Variants in PATJ observed in about 807,000 individuals in gnomAD.
The protein encoded by PATJ is inaD-like protein.
A neutral mutation model predicts 224.9 loss-of-function variants in PATJ; 190 were observed. The observed-to-expected ratio is 0.84, with a 90% confidence interval of 0.75 to 0.95. The LOEUF is 0.95. Among genes scored for constraint, PATJ ranks in the 40% least tolerant of loss-of-function variants. PATJ has a pLI of 0.00. For synonymous variants in PATJ, 769 were observed against 820.3 expected (o/e 0.94, Z 1.07); for missense variants, 2,121 against 2,270.3 (o/e 0.93, Z 1.34).
chr1:61,902,909 T>C (rs1671383199), intron 24 of PATJ, among the ~76,000 whole-genome samples: 1 of 152,130 alleles, frequency 6.6e-6, no homozygotes, highest in Non-Finnish European at 1.5e-5. Context: ...GAGTGAGCCA[T>C]ATAGATATAT....
chr1:61,819,894 G>A (rs1195227470), intron 14 of PATJ, among the ~76,000 whole-genome samples: 1 of 152,148 alleles, frequency 6.6e-6, no homozygotes, highest in East Asian at 1.9e-4. Context: ...AGTTCTGATA[G>A]AGAGTGTTCC....
At chr1:62,051,689 T>TTAATTC (rs1653658219) in intron 31 of PATJ, among the ~76,000 whole-genome samples, 1 of 152,184 alleles carries the variant, frequency 6.6e-6, no homozygotes, top group Non-Finnish European at 1.5e-5. Flanking sequence ...CTGTGCTTAA[T>TTAATTC]TAGTCCTGGA....
chr1:62,053,719 A>C (rs1173762817), intron 31 of PATJ, among the ~76,000 whole-genome samples: 1 of 65,456 alleles, frequency 1.5e-5, no homozygotes, highest in Non-Finnish European at 4.4e-5. Flanking sequence ...AATTCCGTCT[A>C]AAAAAAAAAA....
At chr1:62,144,775 A>ATATATATATATATATATATATATATATAT (rs1218856613) in intron 41 of PATJ, among the ~76,000 whole-genome samples, 8 of 90,830 alleles carry the variant, frequency 8.8e-5, no homozygotes, top group South Asian at 3.4e-4. Flanking sequence ...GCAAAAAAAA[A>ATATATATATATATATATATATATATATAT]AAATATATAT....
At chr1:62,057,975 C>T (rs528146573) in intron 31 of PATJ, among the ~76,000 whole-genome samples, 97 of 152,312 alleles carry the variant, frequency 6.4e-4, no homozygotes, top group Admixed American at 1.3e-3. Flanking sequence ...GGTTTGTATA[C>T]AGCTGCCTCA....
In PATJ at chr1:61,990,242, C is replaced by A. The variant is rs1393681346; in HGVS notation, c.3745C>A (p.Leu1249Ile). The change falls in exon 28 of 44, where the codon CTT becomes ATT. Residue 1249 changes from leucine to isoleucine, a missense_variant. By Grantham distance (5) the Leu-to-Ile change is conservative. Coordinates refer to ENST00000642238, the MANE Select transcript of PATJ (RefSeq NM_001350145.3). ...TGAACTTGAAAAAGATAAGAATGGA[C>A]TTGGACTCAGCCTTGCTGGTAATAA... ...IIELEKDKNG[L>I]GLSLAGNKDR... 6.2e-7 allele frequency: 1 copy of A among 1,613,800 alleles called. No homozygotes were observed. Among genetic ancestry groups the A allele is most frequent in the African/African-American group, 1.3e-5 (1 of 74,912 alleles).
chr1:61,970,573 G>A (rs1038106855), intron 27 of PATJ, among the ~76,000 whole-genome samples: 1 of 152,124 alleles, frequency 6.6e-6, no homozygotes, highest in Non-Finnish European at 1.5e-5. Flanking sequence ...GCTCACTGCA[G>A]CCTCAAATGC....
At chr1:62,128,312 A>G in intron 40 of PATJ, 1 of 495,260 alleles carries the variant, frequency 2.0e-6, no homozygotes, top group Non-Finnish European at 3.5e-6. Context: ...TCCATAAAAG[A>G]AGAAATTGCA....
intron 7 of PATJ, among the ~76,000 whole-genome samples, chr1:61,785,850 A>G (rs1648398659): frequency 6.6e-6 from 1 of 152,108 alleles, no homozygotes; most frequent in African/African-American, 2.4e-5. Context: ...CACATTTTAA[A>G]TGATAATTAA....
At chr1:61,912,817 G>C (rs1672887749) in intron 25 of PATJ, among the ~76,000 whole-genome samples, 1 of 152,114 alleles carries the variant, frequency 6.6e-6, no homozygotes, top group South Asian at 2.1e-4. Context: ...TTTTCTATGG[G>C]AGAAAGTAGT....
chr1:62,069,460 GC>G (rs1466160911), intron 31 of PATJ, among the ~76,000 whole-genome samples: 2 of 152,102 alleles, frequency 1.3e-5, no homozygotes, highest in Non-Finnish European at 2.9e-5. Flanking sequence ...TCAGTAACAG[GC>G]ACATACTCAG....
At chr1:61,945,499 G>T (rs573707257) in intron 27 of PATJ, among the ~76,000 whole-genome samples, 10 of 152,176 alleles carry the variant, frequency 6.6e-5, no homozygotes, top group African/African-American at 2.2e-4. Flanking sequence ...TACATAATGG[G>T]AAAGGGATCA....
rs564976950 is a variant in PATJ at position 61,946,407 on chromosome 1, T to C, written c.3670+18578T>C. Among the ~76,000 whole-genome samples, 274 of 152,134 alleles carry C rather than the reference T, an allele frequency of 1.8e-3. 1 individual carries two copies. The highest frequency in any genetic ancestry group is 3.4e-3 in the Middle Eastern group (1 of 294). ...GATATCACCACCAATCCCACAGAAA[T>C]AGAAACTACCATCAGAGAATACTAT... is the stretch of plus-strand genomic sequence containing the variant. On this transcript the variant is annotated intron_variant, in intron 27 of 43. Transcript: ENST00000642238.
At chr1:61,984,144 G>A (rs983656950) in intron 27 of PATJ, among the ~76,000 whole-genome samples, 8 of 143,534 alleles carry the variant, frequency 5.6e-5, no homozygotes, top group Admixed American at 1.4e-4. Context: ...TATGAAATAC[G>A]CTCAATTATT....
chr1:62,015,051 G>C (rs1347747029), intron 28 of PATJ, among the ~76,000 whole-genome samples: 1 of 152,134 alleles, frequency 6.6e-6, no homozygotes, highest in African/African-American at 2.4e-5. Context: ...TGTAATCCCA[G>C]CACTTTGGGA....
At chr1:61,934,902 C>T (rs1676614923) in intron 27 of PATJ, among the ~76,000 whole-genome samples, 1 of 152,180 alleles carries the variant, frequency 6.6e-6, no homozygotes, top group Non-Finnish European at 1.5e-5. Flanking sequence ...GCACCATCCA[C>T]CTAGTTTCGG....
intron 43 of PATJ, among the ~76,000 whole-genome samples, chr1:62,155,492 T>C (rs567040287): frequency 1.4e-4 from 21 of 152,128 alleles, no homozygotes; most frequent in Admixed American, 1.1e-3. Flanking sequence ...CCCACCAGCA[T>C]CCACACAGTG....
chr1:61,800,162 A>C (rs2148576643), intron 11 of PATJ, among the ~76,000 whole-genome samples: 1 of 152,244 alleles, frequency 6.6e-6, no homozygotes, highest in East Asian at 1.9e-4. Flanking sequence ...TCTTTAAGAG[A>C]TCTCCATACT....
At position 62,114,124 on chromosome 1, in the gene PATJ, G is replaced by C. The variant is rs1318452672; in HGVS notation, c.4533G>C (p.Lys1511Asn). ...CAGCCCTGAGGCAGACCCCCCAGAA[G>C]GTGCGGCTGGTGGTGTATAGAGATG... is the stretch of plus-strand genomic sequence containing the variant. ...AITALRQTPQ[K>N]VRLVVYRDEA... is the part of the protein sequence containing the mutation. Residue 1511 changes from lysine to asparagine, a missense_variant, in exon 35 of 44, where the codon AAG becomes AAC. By Grantham distance (94) the Lys-to-Asn change is moderately conservative. Coordinates refer to ENST00000642238, the MANE Select transcript of PATJ (RefSeq NM_001350145.3). The C allele has an allele frequency of 1.2e-6, 2 of 1,614,146 alleles. No individual in the cohort carries two copies. Among genetic ancestry groups the C allele is most frequent in the Non-Finnish European group, 1.7e-6 (2 of 1,180,016 alleles).
Sources: gnomAD v4.1 joint callset for allele counts (sites outside exome capture counted in the v4.1 genomes callset) on GRCh38, gnomAD v4.1.1 for gene constraint, MANE v1.5 for transcripts, NCBI Gene and HGNC (gene_info 2026-07-23, HGNC 2026-07-21) for gene names.